The following PTPRR variants were observed in gnomAD, a reference collection of about 807,000 sequenced individuals.
PTPRR encodes the protein receptor-type tyrosine-protein phosphatase R.
A neutral mutation model predicts 77.2 loss-of-function variants in PTPRR; 38 were observed. The observed-to-expected ratio is 0.49, with a 90% CI of 0.38 to 0.65. The LOEUF (loss-of-function observed/expected upper bound fraction) is 0.65. Ranked by LOEUF, PTPRR falls within the 30% of genes least tolerant of loss-of-function variation. PTPRR has a pLI of 0.00. For missense variants in PTPRR, 744 were observed against 799.2 expected, an observed-to-expected ratio of 0.93 and a Z score of 0.83; for synonymous variants, 299 against 283.1, an observed-to-expected ratio of 1.06 and a Z score of -0.57.
intron 2 of PTPRR, among the ~76,000 whole-genome samples, chr12:70,782,685 T>G: frequency 1.3e-5 from 2 of 149,394 alleles, no homozygotes; most frequent in African/African-American, 2.5e-5. Flanking sequence ...CCGGGGCCGT[T>G]GTGGGGTGGG....
At chr12:70,824,188 T>C (rs1475855446) in intron 2 of PTPRR, among the ~76,000 whole-genome samples, 1 of 152,200 alleles carries the variant, frequency 6.6e-6, no homozygotes, top group Admixed American at 6.5e-5. Context: ...CTCAGCATGC[T>C]GTGTTGTAGT....
intron 2 of PTPRR, among the ~76,000 whole-genome samples, chr12:70,772,657 C>G (rs1426143121): frequency 3.3e-5 from 5 of 151,796 alleles, no homozygotes; most frequent in African/African-American, 4.8e-5. Context: ...GGTAGGGGCC[C>G]TAAGATTTGG....
At chr12:70,918,090 C>T (rs773692278) in intron 1 of PTPRR, among the ~76,000 whole-genome samples, 8 of 152,304 alleles carry the variant, frequency 5.3e-5, no homozygotes, top group East Asian at 1.9e-4. Context: ...GTCATCCCAT[C>T]CACTTATTTT....
At chr12:70,666,953 T>G (rs1887027702) in intron 10 of PTPRR, among the ~76,000 whole-genome samples, 3 of 94,514 alleles carry the variant, frequency 3.2e-5, no homozygotes, top group Admixed American at 9.9e-5. Context: ...TTTTTTTTTT[T>G]TTTTTTTTTT....
chr12:70,659,037 G>A (rs1257806673), intron 12 of PTPRR, among the ~76,000 whole-genome samples: 1 of 151,696 alleles, frequency 6.6e-6, no homozygotes, highest in African/African-American at 2.4e-5. Flanking sequence ...CAAGTAGCTA[G>A]GAGTACAGGC....
chr12:70,733,446 G>GAAA (rs1889742097), intron 6 of PTPRR, among the ~76,000 whole-genome samples: 1 of 74,860 alleles, frequency 1.3e-5, no homozygotes, highest in African/African-American at 7.8e-5. Context: ...AAAAAAAAAA[G>GAAA]AAAGAAAAAA....
At chr12:70,668,962 G>A (rs1887112646) in intron 10 of PTPRR, among the ~76,000 whole-genome samples, 1 of 152,062 alleles carries the variant, frequency 6.6e-6, no homozygotes, top group Non-Finnish European at 1.5e-5. Context: ...AGGTCTTAAG[G>A]TTTTTGTGGA....
chr12:70,829,043 A>T (rs2137048536), intron 2 of PTPRR, among the ~76,000 whole-genome samples: 1 of 152,214 alleles, frequency 6.6e-6, no homozygotes, highest in African/African-American at 2.4e-5. Flanking sequence ...GTCCACAGAG[A>T]CTGTGGACTG....
chr12:70,867,238 G>A (rs1243159210), intron 2 of PTPRR, among the ~76,000 whole-genome samples: 1 of 152,036 alleles, frequency 6.6e-6, no homozygotes, highest in Non-Finnish European at 1.5e-5. Context: ...CAGGAAAAGA[G>A]GAAGTCAAAT....
At chr12:70,665,674 G>A (rs1178121691) in intron 10 of PTPRR, among the ~76,000 whole-genome samples, 1 of 151,440 alleles carries the variant, frequency 6.6e-6, no homozygotes. Flanking sequence ...GAGCCACTGC[G>A]CCCGGCCGCC....
At chr12:70,870,541 CA>C (rs1407997626) in intron 2 of PTPRR, among the ~76,000 whole-genome samples, 1 of 152,226 alleles carries the variant, frequency 6.6e-6, no homozygotes, top group Non-Finnish European at 1.5e-5. Flanking sequence ...CATCTCATTT[CA>C]ATGTCCTAAT....
intron 2 of PTPRR, among the ~76,000 whole-genome samples, chr12:70,851,389 C>T (rs920139437): frequency 6.6e-6 from 1 of 152,008 alleles, no homozygotes; most frequent in Non-Finnish European, 1.5e-5. Context: ...GTCCAAAGTC[C>T]TATATGGAAA....
chr12:70,692,089 A>T (rs551757039), intron 8 of PTPRR, among the ~76,000 whole-genome samples: 4 of 152,198 alleles, frequency 2.6e-5, no homozygotes, highest in Admixed American at 6.5e-5. Context: ...AATATGGGAA[A>T]CATTGGGTTA....
At chr12:70,828,757 C>A (rs1182913860) in intron 2 of PTPRR, among the ~76,000 whole-genome samples, 1 of 152,178 alleles carries the variant, frequency 6.6e-6, no homozygotes, top group Non-Finnish European at 1.5e-5. Flanking sequence ...CAAAGCAGCA[C>A]CTAAAACAAC....
intron 2 of PTPRR, among the ~76,000 whole-genome samples, chr12:70,775,849 G>C (rs1042329392): frequency 6.6e-5 from 10 of 151,970 alleles, no homozygotes; most frequent in African/African-American, 1.9e-4. Flanking sequence ...AATGGCAAGA[G>C]ATTTCCAGGA....
At chr12:70,823,327 G>C (rs1417218049) in intron 2 of PTPRR, among the ~76,000 whole-genome samples, 2 of 152,172 alleles carry the variant, frequency 1.3e-5, no homozygotes, top group African/African-American at 2.4e-5. Context: ...AGCAGTGACA[G>C]AAATATCTGC....
At chr12:70,694,617 A>T (rs951283791) in intron 8 of PTPRR, among the ~76,000 whole-genome samples, 1 of 151,598 alleles carries the variant, frequency 6.6e-6, no homozygotes, top group African/African-American at 2.4e-5. Flanking sequence ...ACACATAGAC[A>T]TAAAGATGAA....
chr12:70,802,852 A>G (rs916318882), intron 2 of PTPRR, among the ~76,000 whole-genome samples: 3 of 152,192 alleles, frequency 2.0e-5, no homozygotes, highest in Non-Finnish European at 4.4e-5. Flanking sequence ...ATTTCTTCCA[A>G]TTTTGTGCTT....
At chr12:70,672,670 A>T (rs1887278794) in intron 10 of PTPRR, 9 of 1,544,944 alleles carry the variant, frequency 5.8e-6, no homozygotes, top group Admixed American at 3.5e-5. Flanking sequence ...CACCAACCAG[A>T]TGGTGGTCAA....
Sources: gnomAD v4.1 joint callset for allele counts (sites outside exome capture counted in the v4.1 genomes callset) on GRCh38, gnomAD v4.1.1 for gene constraint, MANE v1.5 for transcripts, NCBI Gene and HGNC (gene_info 2026-07-23, HGNC 2026-07-21) for gene names.